Variants in SLC12A7 observed in about 807,000 individuals in gnomAD.
SLC12A7 encodes K-Cl cotransporter 4.
SLC12A7 carries 100 observed loss-of-function variants against 120.6 expected under a neutral mutation model. That is an observed-to-expected ratio of 0.83 (90% CI 0.71 to 0.98). SLC12A7 has a LOEUF of 0.98. Ranked by LOEUF, SLC12A7 falls within the 50% of genes least tolerant of loss-of-function variation. The pLI is 0.00. For synonymous variants in SLC12A7, 760 were observed against 678.0 expected, an observed-to-expected ratio of 1.12 and a Z score of -1.88; for missense variants, 1,373 against 1,548.1, an observed-to-expected ratio of 0.89 and a Z score of 1.90.
chr5:1,053,415 G>A lies in SLC12A7; in HGVS notation c.3094C>T (p.Gln1032Ter). Residue 1032 changes from glutamine to a stop codon, truncating the protein, a stop_gained, in exon 23 of 24, where the codon CAG becomes TAG. Coordinates refer to ENST00000264930, the MANE Select transcript of SLC12A7 (RefSeq NM_006598.3). LOFTEE classifies it high-confidence loss of function. ...KLNGVVLNKS[Q>*]DAQLVLLNMP... is the part of the protein sequence containing the mutation. ...TTGAGCAGGACCAGCTGCGCATCCT[G>A]GGACTTGTTGAGGACGACGCCATTG... is the stretch of plus-strand genomic sequence containing the variant. 1 of 1,614,014 alleles carries A rather than the reference G, an allele frequency of 6.2e-7. No individual in the cohort carries two copies. The highest frequency in any genetic ancestry group is 8.5e-7 in the Non-Finnish European group (1 of 1,180,020).
At chr5:1,122,643 G>A in the SLC12A7 span, among the ~76,000 whole-genome samples, 7 of 152,256 alleles carry the variant, frequency 4.6e-5, no homozygotes, top group East Asian at 1.9e-4. Flanking sequence ...TTCTGCGTTC[G>A]GTCTCTACAG....
the SLC12A7 span, among the ~76,000 whole-genome samples, chr5:1,137,857 G>A: frequency 6.6e-6 from 1 of 152,238 alleles, no homozygotes; most frequent in Non-Finnish European, 1.5e-5. Context: ...CCGGGGCCTG[G>A]CGCACTGTGA....
intron 22 of SLC12A7, among the ~76,000 whole-genome samples, chr5:1,054,730 C>G (rs1008057841): frequency 1.3e-5 from 2 of 152,226 alleles, no homozygotes; most frequent in African/African-American, 4.8e-5. Flanking sequence ...CAGGCTCACG[C>G]CCTTTGATCC....
intron 1 of SLC12A7, among the ~76,000 whole-genome samples, chr5:1,099,424 G>A (rs112946583): frequency 2.9e-5 from 4 of 137,682 alleles, no homozygotes; most frequent in Admixed American, 1.4e-4. Context: ...TCTGGGGCAC[G>A]GACATCAACC....
In SLC12A7 at chr5:1,051,051, TAAATA is replaced by T; in HGVS notation, c.*1304_*1308del. ...CACGTAACTCCCTGGGGTGTTTAAATAAATAAATATGCCACATAGAAAGGGAGGCC... is the reference window on the plus strand; with the variant it reads ...CACGTAACTCCCTGGGGTGTTTAAATAATATGCCACATAGAAAGGGAGGCC... On this transcript the variant is annotated 3_prime_UTR_variant, in exon 24 of 24. Transcript: ENST00000264930. The T allele has an allele frequency of 2.5e-6, 1 of 397,972 alleles. No individual in the cohort carries two copies. Among genetic ancestry groups the T allele is most frequent in the Non-Finnish European group, 4.4e-6 (1 of 225,894 alleles). 24.7% of individuals were successfully genotyped at this position (397,972 alleles called of 1,614,324 possible).
chr5:1,077,321 C>T (rs1738470136), intron 12 of SLC12A7, among the ~76,000 whole-genome samples: 1 of 152,218 alleles, frequency 6.6e-6, no homozygotes, highest in African/African-American at 2.4e-5. Context: ...CTCTGCCATC[C>T]ACGACCTTCC....
intron 15 of SLC12A7, 70 bp from the exon 16 acceptor site, chr5:1,074,741 A>G: frequency 7.0e-7 from 1 of 1,435,700 alleles, no homozygotes; most frequent in African/African-American, 1.4e-5. Context: ...GGGAAAGGGG[A>G]CTTCTGGGGG....
At chr5:1,111,226 C>A (rs2150914628) in intron 1 of SLC12A7, among the ~76,000 whole-genome samples, 1 of 152,288 alleles carries the variant, frequency 6.6e-6, no homozygotes. Context: ...GATTCTCTCC[C>A]CAGCCCCGTC....
At chr5:1,064,901 C>A (rs71593128) in intron 18 of SLC12A7, among the ~76,000 whole-genome samples, 6,154 of 27,730 alleles carry the variant, frequency 0.22, 911 homozygotes, top group Non-Finnish European at 0.29. Flanking sequence ...GTGAGGGGAC[C>A]GCGAGGGGAC....
chr5:1,086,426 G>C (rs1397891240), intron 6 of SLC12A7, among the ~76,000 whole-genome samples: 1 of 152,198 alleles, frequency 6.6e-6, no homozygotes, highest in Non-Finnish European at 1.5e-5. Context: ...CTGTGCTCAG[G>C]TGATGTGGGA....
chr5:1,144,916 G>A, the SLC12A7 span, among the ~76,000 whole-genome samples: 1 of 152,276 alleles, frequency 6.6e-6, no homozygotes, highest in Non-Finnish European at 1.5e-5. Flanking sequence ...CAATTCCCAT[G>A]GCTGATTCGG....
the SLC12A7 span, among the ~76,000 whole-genome samples, chr5:1,118,985 T>G: frequency 2.0e-5 from 3 of 151,928 alleles, no homozygotes; most frequent in African/African-American, 7.3e-5. Context: ...CCCAGAGGAA[T>G]GTTCTGGGGG....
intron 17 of SLC12A7, among the ~76,000 whole-genome samples, chr5:1,066,837 G>A (rs147638713): frequency 0.015 from 2,228 of 152,220 alleles, 51 homozygotes; most frequent in African/African-American, 0.05. Flanking sequence ...CGTGGCCTGC[G>A]GTCTCCTTCA....
chr5:1,067,941 CA>C lies in SLC12A7; in HGVS notation c.2242-2464del, dbSNP rs552927633. Among the ~76,000 whole-genome samples, 25 of 146,858 alleles carry C rather than the reference CA, an allele frequency of 1.7e-4. 1 individual carries two copies. In the South Asian group the frequency reaches 5.4e-3, roughly 32 times the overall value. On this transcript the variant is annotated intron_variant, in intron 17 of 23. Transcript: ENST00000264930. The stretch of plus-strand genomic sequence containing the variant: ...AAGTCCCCGCACCTGCCCGGCGCAG[CA>C]GTCGCAGAGGCCTCCGTGCAGACAG...
intron 1 of SLC12A7, among the ~76,000 whole-genome samples, chr5:1,111,415 AGGAC>A (rs1221978507): frequency 6.6e-6 from 1 of 151,980 alleles, no homozygotes; most frequent in Admixed American, 6.5e-5. Context: ...AGGCGGGGGC[AGGAC>A]GGGCCGGCCC....
At chr5:1,080,464 C>T (rs1738916597) in intron 9 of SLC12A7, among the ~76,000 whole-genome samples, 1 of 152,242 alleles carries the variant, frequency 6.6e-6, no homozygotes, top group African/African-American at 2.4e-5. Context: ...ACACGAGAAG[C>T]CAGCGCTGTG....
At chr5:1,138,653 CA>C in the SLC12A7 span, among the ~76,000 whole-genome samples, 2 of 152,300 alleles carry the variant, frequency 1.3e-5, no homozygotes, top group Non-Finnish European at 2.9e-5. Context: ...GATTCTTTTC[CA>C]AATAAGGTCA....
At chr5:1,059,107 C>T (rs577260773) in intron 21 of SLC12A7, among the ~76,000 whole-genome samples, 1 of 152,328 alleles carries the variant, frequency 6.6e-6, no homozygotes, top group South Asian at 2.1e-4. Context: ...ATCTCAGGGA[C>T]CTGGCCTGGA....
chr5:1,138,559 C>T, the SLC12A7 span, among the ~76,000 whole-genome samples: 431 of 152,354 alleles, frequency 2.8e-3, 1 homozygote, highest in African/African-American at 9.3e-3. Flanking sequence ...CTCTCCTCGT[C>T]TGTTTCTGAT....
Sources: gnomAD v4.1 joint callset for allele counts (sites outside exome capture counted in the v4.1 genomes callset) on GRCh38, gnomAD v4.1.1 for gene constraint, MANE v1.5 for transcripts, NCBI Gene and HGNC (gene_info 2026-07-23, HGNC 2026-07-21) for gene names.